The following SLC9A9 variants were observed in gnomAD, a reference collection of about 807,000 sequenced individuals.
The protein encoded by SLC9A9 is solute carrier family 9 member A9.
SLC9A9 carries 62 observed loss-of-function variants against 77.8 expected under a neutral mutation model. The ratio of observed to expected loss-of-function variants is 0.80; its 90% confidence interval spans 0.65 to 0.98. The LOEUF is 0.98. Among genes scored for constraint, SLC9A9 ranks in the 50% least tolerant of loss-of-function variants. The pLI, the probability that SLC9A9 is intolerant of heterozygous loss-of-function variation, is 0.00. For synonymous variants in SLC9A9, 320 were observed against 283.5 expected (o/e 1.13, Z -1.29); for missense variants, 775 against 774.9 (o/e 1.00, Z 0.00).
At chr3:143,581,636 C>T (rs1161395773) in intron 6 of SLC9A9, among the ~76,000 whole-genome samples, 1 of 152,134 alleles carries the variant, frequency 6.6e-6, no homozygotes, top group African/African-American at 2.4e-5. Context: ...ATGTAGATTT[C>T]TTGTTTCTCC....
chr3:143,729,931 TATA>T (rs1175057796), intron 4 of SLC9A9, among the ~76,000 whole-genome samples: 2 of 152,246 alleles, frequency 1.3e-5, no homozygotes, highest in Non-Finnish European at 2.9e-5. Context: ...TATGTTTTAT[TATA>T]ATACTTCCTA....
intron 12 of SLC9A9, among the ~76,000 whole-genome samples, chr3:143,399,285 A>T (rs1457443440): frequency 6.6e-6 from 1 of 152,204 alleles, no homozygotes; most frequent in Non-Finnish European, 1.5e-5. Context: ...GAGACGGATT[A>T]AAGTAAATCA....
At chr3:143,764,630 G>T (rs1484900581) in intron 4 of SLC9A9, among the ~76,000 whole-genome samples, 1 of 152,176 alleles carries the variant, frequency 6.6e-6, no homozygotes, top group East Asian at 1.9e-4. Flanking sequence ...GCAGTGGTGT[G>T]ATAATGGCTC....
At position 143,363,487 on chromosome 3, in the gene SLC9A9, T is replaced by G. The variant is rs1362216816; in HGVS notation, c.1601A>C (p.His534Pro). The G allele has an allele frequency of 6.2e-7, 1 of 1,612,740 alleles. No homozygotes were observed. The change falls in exon 14 of 16, where the codon CAC (histidine) becomes CCC (proline). Residue 534 changes from histidine (H) to proline (P), a missense_variant. Physicochemically the swap from His to Pro is moderately conservative, Grantham distance 77 (BLOSUM62 -2). Transcript: ENST00000316549. ...RLFRMWYSFD[H>P]KYLKPILTHS... ...GATCGTTATTATCAAAGGATACTTGTGGTCAAAGCTATACCACATTCTGAA... is the reference window on the plus strand; with the variant it reads ...GATCGTTATTATCAAAGGATACTTGGGGTCAAAGCTATACCACATTCTGAA...
chr3:143,669,360 C>A (rs934850795), intron 5 of SLC9A9, among the ~76,000 whole-genome samples: 1 of 152,188 alleles, frequency 6.6e-6, no homozygotes, highest in Non-Finnish European at 1.5e-5. Flanking sequence ...TTCATTTAAA[C>A]GGAGACATTC....
chr3:143,514,737 G>A (rs1364200568), intron 9 of SLC9A9, among the ~76,000 whole-genome samples: 1 of 152,174 alleles, frequency 6.6e-6, no homozygotes, highest in Non-Finnish European at 1.5e-5. Context: ...TCACAGAATT[G>A]AAGGGAGGGT....
chr3:143,803,296 A>G (rs2008618077), intron 2 of SLC9A9, among the ~76,000 whole-genome samples: 1 of 152,198 alleles, frequency 6.6e-6, no homozygotes, highest in Non-Finnish European at 1.5e-5. Flanking sequence ...TTATGAGCCT[A>G]ATACATCCCT....
At position 143,795,076 on chromosome 3, in the gene SLC9A9, C is replaced by T. The variant is rs1462437639; in HGVS notation, c.458G>A (p.Arg153Lys). Residue 153 changes from arginine to lysine, a missense_variant and splice_region_variant, in exon 4 of 16, where the codon AGA (arginine) becomes AAA (lysine). Transcript: ENST00000316549. ...AGATCCTAAGTTTTGAAAAAAGTGT[C>T]TCTGGGGAGAAAAAAAGATATTTAA... ...IFHAGYSLKK[R>K]HFFQNLGSIL... 6.2e-7 allele frequency: 1 copy of T among 1,612,608 alleles called. No individual in the cohort carries two copies. Among genetic ancestry groups the T allele is most frequent in the Admixed American group, 1.7e-5 (1 of 60,000 alleles).
intron 6 of SLC9A9, among the ~76,000 whole-genome samples, chr3:143,604,862 A>C (rs565626506): frequency 2.6e-5 from 4 of 152,322 alleles, no homozygotes; most frequent in African/African-American, 9.6e-5. Context: ...AATACTTTAG[A>C]ACTGGAAACA....
chr3:143,724,113 C>T (rs1428959141), intron 4 of SLC9A9, among the ~76,000 whole-genome samples: 2 of 152,192 alleles, frequency 1.3e-5, no homozygotes, highest in Non-Finnish European at 2.9e-5. Context: ...TGTCCCCACC[C>T]AAATCTCATG....
At chr3:143,832,659 G>A (rs995482722) in intron 1 of SLC9A9, among the ~76,000 whole-genome samples, 2 of 151,794 alleles carry the variant, frequency 1.3e-5, no homozygotes, top group African/African-American at 4.8e-5. Context: ...CCCATGGTTG[G>A]GGTGAGAGGT....
At chr3:143,278,336 C>T (rs1470213648) in intron 14 of SLC9A9, among the ~76,000 whole-genome samples, 1 of 152,188 alleles carries the variant, frequency 6.6e-6, no homozygotes, top group African/African-American at 2.4e-5. Flanking sequence ...GAGCCAAAGT[C>T]TTCAAAGCTT....
intron 13 of SLC9A9, among the ~76,000 whole-genome samples, chr3:143,372,768 C>A (rs2033086290): frequency 6.6e-6 from 1 of 151,986 alleles, no homozygotes; most frequent in South Asian, 2.1e-4. Context: ...AGAAAAATAA[C>A]AAATAATCCC....
intron 5 of SLC9A9, among the ~76,000 whole-genome samples, chr3:143,654,146 C>G (rs1405538368): frequency 6.6e-6 from 1 of 152,118 alleles, no homozygotes; most frequent in East Asian, 1.9e-4. Context: ...GTGTTCTAAG[C>G]ACAATGACAA....
intron 14 of SLC9A9, among the ~76,000 whole-genome samples, chr3:143,284,436 T>C (rs1322781481): frequency 6.6e-6 from 1 of 150,584 alleles, no homozygotes; most frequent in Non-Finnish European, 1.5e-5. Flanking sequence ...AAATTTGAAA[T>C]CACCCTCAGG....
At chr3:143,651,472 G>T (rs528120691) in intron 6 of SLC9A9, among the ~76,000 whole-genome samples, 1 of 152,294 alleles carries the variant, frequency 6.6e-6, no homozygotes, top group African/African-American at 2.4e-5. Flanking sequence ...ATTTTAAACT[G>T]CATTTGAAGT....
At chr3:143,448,908 G>T (rs1382112584) in intron 12 of SLC9A9, among the ~76,000 whole-genome samples, 2 of 5,980 alleles carry the variant, frequency 3.3e-4, no homozygotes, top group Non-Finnish European at 4.1e-4. Flanking sequence ...TATATAATAT[G>T]ATATATATTA....
chr3:143,827,570 A>T (rs1576755758), intron 2 of SLC9A9, among the ~76,000 whole-genome samples: 1 of 152,154 alleles, frequency 6.6e-6, no homozygotes, highest in African/African-American at 2.4e-5. Context: ...TTCCAGTTTT[A>T]TACCTTCTTA....
chr3:143,802,878 G>A (rs184767479), intron 2 of SLC9A9, among the ~76,000 whole-genome samples: 2 of 152,078 alleles, frequency 1.3e-5, no homozygotes, highest in Admixed American at 1.3e-4. Context: ...ACTTTTATAC[G>A]GACGCACTTT....
Sources: allele counts gnomAD v4.1 joint callset (sites outside exome capture counted in the v4.1 genomes callset), GRCh38; gene constraint gnomAD v4.1.1; transcripts MANE v1.5; gene names NCBI Gene and HGNC (gene_info 2026-07-23, HGNC 2026-07-21).